PLEKHA8: variants seen among roughly 807,000 people sequenced by gnomAD.
The protein encoded by PLEKHA8 is pleckstrin homology domain containing A8.
In PLEKHA8, 36 loss-of-function variants were observed where a neutral mutation model predicts 68.2. That is an observed-to-expected ratio of 0.53 (90% CI 0.40 to 0.70). PLEKHA8 has a LOEUF of 0.70. Ranked by LOEUF, PLEKHA8 falls within the 30% of genes least tolerant of loss-of-function variation. The pLI is 0.00. For missense variants in PLEKHA8, 505 were observed against 615.4 expected (o/e 0.82, Z 1.90); for synonymous variants, 211 against 216.1 (o/e 0.98, Z 0.20).
At chr7:30,094,243 A>G (rs1795520099), downstream of PLEKHA8, among the ~76,000 whole-genome samples, 1 of 151,352 alleles carries the variant, frequency 6.6e-6, no homozygotes, top group South Asian at 2.1e-4. Flanking sequence ...AATCTGCTAA[A>G]TATTAGGGAT....
intron 12 of PLEKHA8, among the ~76,000 whole-genome samples, chr7:30,065,687 C>A (rs1793796670): frequency 6.6e-6 from 1 of 152,028 alleles, no homozygotes; most frequent in Admixed American, 6.6e-5. Context: ...TTTTTAAATT[C>A]TAAAGTTGAA....
At chr7:30,125,318 A>G (rs577311100) in intron 13 of PLEKHA8, among the ~76,000 whole-genome samples, 3 of 152,278 alleles carry the variant, frequency 2.0e-5, no homozygotes, top group Admixed American at 6.5e-5. Context: ...CCAACTTACA[A>G]TGGTTTGACT....
intron 1 of PLEKHA8, 81 bp downstream of exon 1, chr7:30,028,883 CT>C: frequency 1.6e-6 from 2 of 1,223,064 alleles, no homozygotes; most frequent in Non-Finnish European, 2.1e-6. Context: ...CTGGACCCGT[CT>C]TAGGGAGGGG....
intron 12 of PLEKHA8, among the ~76,000 whole-genome samples, chr7:30,065,299 G>T (rs1216987021): frequency 6.6e-6 from 1 of 152,064 alleles, no homozygotes; most frequent in Non-Finnish European, 1.5e-5. Flanking sequence ...TTTCAAAGAA[G>T]GTGTTTATGA....
chr7:30,030,864 ACTTTTT>A (rs1790607611), intron 1 of PLEKHA8, among the ~76,000 whole-genome samples: 1 of 152,214 alleles, frequency 6.6e-6, no homozygotes, highest in African/African-American at 2.4e-5. Flanking sequence ...GTGACAAGTT[ACTTTTT>A]CTTTTTCTGA....
intron 5 of PLEKHA8, among the ~76,000 whole-genome samples, chr7:30,050,208 C>G (rs1792295698): frequency 6.6e-6 from 1 of 152,110 alleles, no homozygotes; most frequent in Non-Finnish European, 1.5e-5. Flanking sequence ...GATCATCTTC[C>G]TTTTCCTTAG....
Position 30,049,342 on chromosome 7 carries a change from C to A in PLEKHA8, c.557C>A (p.Pro186Gln), listed in dbSNP as rs1792222189. 6 of 1,614,134 alleles carry A rather than the reference C, an allele frequency of 3.7e-6. No individual in the cohort carries two copies. Among genetic ancestry groups the A allele is most frequent in the Non-Finnish European group, 5.1e-6 (6 of 1,180,000 alleles). ...AFTSELLYRT[P>Q]PGSPQLAMLK... ...ACCTCTGAGCTGCTCTACCGCACTC[C>A]ACCAGGATCACCTCAGCTGGCCATG... The change falls in exon 5 of 14, where the codon CCA becomes CAA. Residue 186 changes from proline (P) to glutamine (Q), a missense_variant. Pro to Gln is a moderately conservative substitution (Grantham distance 76, BLOSUM62 -1). Transcript: ENST00000449726.
At chr7:30,058,414 G>A (rs1273757723) in intron 9 of PLEKHA8, among the ~76,000 whole-genome samples, 1 of 150,338 alleles carries the variant, frequency 6.7e-6, no homozygotes, top group East Asian at 1.9e-4. Flanking sequence ...TTACATTTGT[G>A]CCTATGAACC....
chr7:30,044,697 T>C (rs1791811713), intron 1 of PLEKHA8, among the ~76,000 whole-genome samples: 1 of 152,222 alleles, frequency 6.6e-6, no homozygotes, highest in African/African-American at 2.4e-5. Flanking sequence ...GATAACAGTA[T>C]GTTCAGGACA....
chr7:30,113,872 A>G (rs1208842166), intron 13 of PLEKHA8, among the ~76,000 whole-genome samples: 1 of 149,620 alleles, frequency 6.7e-6, no homozygotes, highest in Non-Finnish European at 1.5e-5. Flanking sequence ...ATTTCTACAC[A>G]TTCTAATTTG....
At chr7:30,101,597 C>A (rs1162753022) in intron 13 of PLEKHA8, among the ~76,000 whole-genome samples, 1 of 152,184 alleles carries the variant, frequency 6.6e-6, no homozygotes, top group Non-Finnish European at 1.5e-5. Context: ...CCAAAGGCCC[C>A]ACCTCCTGAT....
downstream of PLEKHA8, among the ~76,000 whole-genome samples, chr7:30,092,412 G>C (rs899759885): frequency 5.3e-5 from 8 of 152,014 alleles, no homozygotes; most frequent in African/African-American, 1.9e-4. Context: ...TGCACTGTGT[G>C]TCACGGCACC....
Position 30,055,346 on chromosome 7 carries a change from A to T in PLEKHA8, c.1039+4A>T. The T allele has an allele frequency of 6.2e-7, 1 of 1,612,688 alleles. No homozygotes were observed. The highest frequency in any genetic ancestry group is 1.7e-5 in the Admixed American group (1 of 60,030). The stretch of plus-strand genomic sequence containing the variant: ...TATGCTGTGGTTCCAGTATTAGGTA[A>T]GATTCCTGCAGTTGCCTTACATTCA... On this transcript the variant is annotated splice_donor_region_variant and intron_variant, in intron 9 of 13. Transcript: ENST00000449726.
At chr7:30,068,907 G>A (rs1312572841) in intron 12 of PLEKHA8, among the ~76,000 whole-genome samples, 8 of 152,142 alleles carry the variant, frequency 5.3e-5, no homozygotes, top group Admixed American at 2.0e-4. Context: ...AATGGTGTAA[G>A]GTGGGGATAT....
Position 30,080,356 on chromosome 7 carries a change from C to A in PLEKHA8, c.*1569C>A. ...CTTCCCCATTAGAGGCTACTTCCTT[C>A]TAGTAACAGGAAGGGAAGTTCCAGC... On this transcript the variant is annotated 3_prime_UTR_variant, in exon 14 of 14. Coordinates refer to ENST00000449726, the MANE Select transcript of PLEKHA8 (RefSeq NM_001197026.2). 1 of 985,226 alleles carries A rather than the reference C, an allele frequency of 1.0e-6. No homozygotes were observed. Among genetic ancestry groups the A allele is most frequent in the Non-Finnish European group, 1.2e-6 (1 of 829,882 alleles). The allele number at this position is 985,226 out of a possible 1,614,324, so 61.0% of individuals were successfully genotyped here.
intron 13 of PLEKHA8, among the ~76,000 whole-genome samples, chr7:30,109,556 C>T (rs1339199596): frequency 7.5e-6 from 1 of 133,048 alleles, no homozygotes; most frequent in African/African-American, 2.9e-5. Flanking sequence ...CCATTGCACT[C>T]CAGCCTGGGC....
intron 13 of PLEKHA8, among the ~76,000 whole-genome samples, chr7:30,122,570 C>A (rs539253749): frequency 1.3e-5 from 2 of 152,312 alleles, no homozygotes; most frequent in South Asian, 4.2e-4. Context: ...AGCTCAGTAC[C>A]CCCTTCCATT....
chr7:30,076,117 G>C (rs972835276), intron 13 of PLEKHA8, among the ~76,000 whole-genome samples: 5 of 150,990 alleles, frequency 3.3e-5, no homozygotes, highest in Non-Finnish European at 7.4e-5. Context: ...TCTTTATTTT[G>C]TATACTTACT....
downstream of PLEKHA8, chr7:30,129,974 A>C (rs968005359): frequency 5.2e-5 from 8 of 152,716 alleles, no homozygotes; most frequent in African/African-American, 1.9e-4. Flanking sequence ...GCTTTAGTAC[A>C]GCACTCTGTG....
Sources: allele counts gnomAD v4.1 joint callset (sites outside exome capture counted in the v4.1 genomes callset), GRCh38; gene constraint gnomAD v4.1.1; transcripts MANE v1.5; gene names NCBI Gene and HGNC (gene_info 2026-07-23, HGNC 2026-07-21).